The following CRIM1 variants were observed in gnomAD, a reference collection of about 807,000 sequenced individuals.
CRIM1 encodes cysteine rich transmembrane BMP regulator 1, also known as cysteine-rich motor neuron 1 protein.
In CRIM1, 32 loss-of-function variants were observed where a neutral mutation model predicts 116.4. The ratio of observed to expected loss-of-function variants is 0.27; its 90% confidence interval spans 0.21 to 0.37. The LOEUF is 0.37. Among genes scored for constraint, CRIM1 ranks in the 10% least tolerant of loss-of-function variants. CRIM1 has a pLI of 1.00. For synonymous variants in CRIM1, 590 were observed against 509.2 expected, an observed-to-expected ratio of 1.16 and a Z score of -2.13; for missense variants, 1,331 against 1,354.8, an observed-to-expected ratio of 0.98 and a Z score of 0.28.
At chr2:36,544,610 A>G (rs541693766) in intron 15 of CRIM1, 112 bp downstream of exon 15, 4 of 1,135,004 alleles carry the variant, frequency 3.5e-6, no homozygotes, top group Non-Finnish European at 4.5e-6. Flanking sequence ...GCTGAAGTAA[A>G]TTCAAATAAC....
intron 7 of CRIM1, among the ~76,000 whole-genome samples, chr2:36,498,987 T>C (rs1680797755): frequency 1.3e-5 from 2 of 152,230 alleles, no homozygotes; most frequent in Admixed American, 6.5e-5. Context: ...TACCAAAAAC[T>C]GCATGAATTG....
chr2:36,461,928 C>G (rs1212076986), intron 4 of CRIM1, among the ~76,000 whole-genome samples: 1 of 152,134 alleles, frequency 6.6e-6, no homozygotes, highest in African/African-American at 2.4e-5. Flanking sequence ...GTGGTTCTTT[C>G]ATCAGCTCTT....
chr2:36,495,328 A>G (rs932892170), intron 7 of CRIM1, among the ~76,000 whole-genome samples: 2 of 152,192 alleles, frequency 1.3e-5, no homozygotes, highest in Non-Finnish European at 2.9e-5. Flanking sequence ...TCCGTATTCA[A>G]AGCACTGTTG....
At chr2:36,455,811 G>A (rs1677092757) in intron 4 of CRIM1, among the ~76,000 whole-genome samples, 1 of 152,168 alleles carries the variant, frequency 6.6e-6, no homozygotes. Flanking sequence ...CGGAGGATGG[G>A]GGAGTTTGTC....
At chr2:36,497,304 A>T (rs1382619823) in intron 7 of CRIM1, among the ~76,000 whole-genome samples, 1 of 152,130 alleles carries the variant, frequency 6.6e-6, no homozygotes. Flanking sequence ...CACTGGGATA[A>T]CCTGTGGTGG....
intron 2 of CRIM1, among the ~76,000 whole-genome samples, chr2:36,413,609 C>T (rs1202218644): frequency 4.6e-5 from 7 of 152,084 alleles, no homozygotes; most frequent in Non-Finnish European, 8.8e-5. Flanking sequence ...ATACAAATTG[C>T]GTATAAAATT....
At chr2:36,446,225 C>T (rs573609513) in intron 4 of CRIM1, among the ~76,000 whole-genome samples, 1 of 152,234 alleles carries the variant, frequency 6.6e-6, no homozygotes, top group South Asian at 2.1e-4. Context: ...CATTCCCATC[C>T]AAATGGAATT....
intron 11 of CRIM1, 101 bp downstream of exon 11, chr2:36,513,866 C>A: frequency 1.0e-6 from 1 of 994,362 alleles, no homozygotes; most frequent in Non-Finnish European, 1.5e-6. Context: ...AGGGGACAAC[C>A]CCTGGAACAC....
At position 36,549,962 on chromosome 2, in the gene CRIM1, C is replaced by CACTT. The variant is rs1279376787; in HGVS notation, c.*1264_*1267dup. 2.0e-5 allele frequency: 3 copies of CACTT among 152,360 alleles called. No homozygotes were observed. The highest frequency in any genetic ancestry group is 4.8e-5 in the African/African-American group (2 of 41,370). The allele number at this position is 152,360 out of a possible 1,614,324, so 9.4% of individuals were successfully genotyped here. A position where few individuals can be genotyped will look rare whatever the true frequency, so the allele number is the denominator to read the frequency against. ...GGCATTCCATAGCAGTGCTTTTGAT[C>CACTT]ACTTACAAATTTTTTGAATAACACA... On this transcript the variant is annotated 3_prime_UTR_variant, in exon 17 of 17. Transcript: ENST00000280527.
At chr2:36,517,220 T>G (rs551226563) in intron 11 of CRIM1, 107 bp from the exon 12 acceptor site, 1 of 794,764 alleles carries the variant, frequency 1.3e-6, no homozygotes, top group African/African-American at 1.7e-5. Context: ...AGCGAGATGC[T>G]CTTCACAGTT....
At chr2:36,386,462 A>G (rs1272026126) in intron 1 of CRIM1, among the ~76,000 whole-genome samples, 1 of 152,222 alleles carries the variant, frequency 6.6e-6, no homozygotes, top group East Asian at 1.9e-4. Flanking sequence ...ACTGAGATCC[A>G]AAGATGTTTC....
chr2:36,358,420 C>T (rs1310064220), intron 1 of CRIM1, among the ~76,000 whole-genome samples: 1 of 152,204 alleles, frequency 6.6e-6, no homozygotes, highest in Non-Finnish European at 1.5e-5. Flanking sequence ...CCAAGAAGGA[C>T]TTTTGCAGGT....
At chr2:36,418,487 G>C (rs1208985392) in intron 2 of CRIM1, among the ~76,000 whole-genome samples, 1 of 152,128 alleles carries the variant, frequency 6.6e-6, no homozygotes, top group Admixed American at 6.5e-5. Flanking sequence ...GCATTTCACT[G>C]TGTTGCCTGG....
chr2:36,527,505 G>C (rs886958139), intron 13 of CRIM1, among the ~76,000 whole-genome samples: 1 of 152,096 alleles, frequency 6.6e-6, no homozygotes, highest in Non-Finnish European at 1.5e-5. Context: ...TACTGTCACT[G>C]TATAGTGATC....
chr2:36,370,758 C>T (rs766926189), intron 1 of CRIM1, among the ~76,000 whole-genome samples: 1 of 152,050 alleles, frequency 6.6e-6, no homozygotes, highest in African/African-American at 2.4e-5. Context: ...AAAGGATGAC[C>T]ACTAGTTAAG....
chr2:36,488,494 G>C (rs1679995531), intron 7 of CRIM1, among the ~76,000 whole-genome samples: 1 of 152,190 alleles, frequency 6.6e-6, no homozygotes, highest in East Asian at 1.9e-4. Flanking sequence ...CATACCATCA[G>C]TTTAATCTAA....
chr2:36,506,995 G>C (rs1346144123), intron 8 of CRIM1, among the ~76,000 whole-genome samples: 1 of 151,990 alleles, frequency 6.6e-6, no homozygotes, highest in African/African-American at 2.4e-5. Flanking sequence ...AAGTAGCTGG[G>C]ATTACATTCA....
Position 36,548,596 on chromosome 2 carries a change from C to T in CRIM1, c.3006C>T (p.Ser1002=), listed in dbSNP as rs767336246. 6.2e-7 allele frequency: 1 copy of T among 1,612,358 alleles called. No homozygotes were observed. Among genetic ancestry groups the T allele is most frequent in the Admixed American group, 1.7e-5 (1 of 59,622 alleles). ...KKGTRVQVDS[S]QRMLRIAEPD... ...GAACCAGAGTCCAGGTGGACAGTTC[C>T]CAGAGAATGCTAAGAATTGCAGAAC... The change falls in exon 17 of 17, where the codon TCC becomes TCT. Residue 1002 remains serine, a synonymous_variant. Coordinates refer to ENST00000280527, the MANE Select transcript of CRIM1 (RefSeq NM_016441.3).
rs184049824 is a variant in CRIM1 at position 36,391,353 on chromosome 2, C to A, written c.332-5261C>A. Among the ~76,000 whole-genome samples the A allele has an allele frequency of 5.6e-3, 847 of 151,758 alleles. 3 individuals carry two copies. The highest frequency in any genetic ancestry group is 0.02 in the Middle Eastern group (6 of 294). ...CCGTGTTAGCCAGGATGGTCTCGATCTCCTGACCTCGTGATCCGCCCATCT... is the reference window on the plus strand; with the variant it reads ...CCGTGTTAGCCAGGATGGTCTCGATATCCTGACCTCGTGATCCGCCCATCT... On this transcript the variant is annotated intron_variant, in intron 1 of 16. Transcript: ENST00000280527.
Sources: allele counts gnomAD v4.1 joint callset (sites outside exome capture counted in the v4.1 genomes callset), GRCh38; gene constraint gnomAD v4.1.1; transcripts MANE v1.5; gene names NCBI Gene and HGNC (gene_info 2026-07-23, HGNC 2026-07-21).